Variants in CAMTA1 observed in about 807,000 individuals in gnomAD.
The protein encoded by CAMTA1 is calmodulin binding transcription activator 1.
Under a neutral mutation model 170.9 loss-of-function variants are expected in CAMTA1, and 27 were observed. That is an observed-to-expected ratio of 0.16 (90% CI 0.12 to 0.22). The LOEUF is 0.22. Ranked by LOEUF, CAMTA1 falls within the 10% of genes least tolerant of loss-of-function variation. CAMTA1 has a pLI of 1.00. For missense variants in CAMTA1, 1,619 were observed against 2,217.2 expected (o/e 0.73, Z 5.42); for synonymous variants, 833 against 891.5 (o/e 0.93, Z 1.17).
chr1:7,555,832 G>GC (rs2094869004), intron 6 of CAMTA1, among the ~76,000 whole-genome samples: 1 of 152,124 alleles, frequency 6.6e-6, no homozygotes, highest in Non-Finnish European at 1.5e-5. Flanking sequence ...TCTCCTAAAT[G>GC]CCCCAAACCC....
Position 6,887,088 on chromosome 1 carries a change from G to A in CAMTA1, c.234+61878G>A, listed in dbSNP as rs1367804063. On this transcript the variant is annotated intron_variant, in intron 3 of 22. Transcript: ENST00000303635. This position sits in a 1 kb window ranked among gnomAD's most constrained non-coding sequence, Gnocchi z 4.1. ...AGAGAGTCTCTAGCAGGGAGCCTCT[G>A]CAAGCATTGTGTTCTGTTGTATCAA... is the stretch of plus-strand genomic sequence containing the variant. 2.0e-5 allele frequency among the ~76,000 whole-genome samples: 3 copies of A among 152,208 alleles called. No individual in the cohort carries two copies. The highest frequency in any genetic ancestry group is 2.9e-5 in the Non-Finnish European group (2 of 68,036).
At position 7,635,752 on chromosome 1, in the gene CAMTA1, T is replaced by A. The variant is rs938953607; in HGVS notation, c.511-4648T>A. ...CCCATCTCGCCACCAGCAAAGCAGC[T>A]CAGCAAGGACTCTGACACCGTTATG... On this transcript the variant is annotated intron_variant, in intron 6 of 22. Transcript: ENST00000303635. The surrounding 1 kb of genome is among the most constrained non-coding windows in gnomAD (Gnocchi z 4.4). Among the ~76,000 whole-genome samples, 19 of 152,160 alleles carry A rather than the reference T, an allele frequency of 1.2e-4. No individual in the cohort carries two copies. The highest frequency in any genetic ancestry group is 4.3e-4 in the African/African-American group (18 of 41,522).
In CAMTA1 at chr1:7,732,226, G is replaced by T. The variant is rs2096739047; in HGVS notation, c.2915-222G>T. Among the ~76,000 whole-genome samples the T allele has an allele frequency of 6.6e-6, 1 of 152,132 alleles. No individual in the cohort carries two copies. The highest frequency in any genetic ancestry group is 6.5e-5 in the Admixed American group (1 of 15,272). The stretch of plus-strand genomic sequence containing the variant: ...ATCTTTGACAAAAAGAGAATTTCTG[G>T]TCTTTTATCCGAGAACTTCGGGCTG... On this transcript the variant is annotated intron_variant, in intron 11 of 22. Transcript: ENST00000303635. This position sits in a 1 kb window ranked among gnomAD's most constrained non-coding sequence, Gnocchi z 4.1.
chr1:7,610,952 A>G (rs1054589114), intron 6 of CAMTA1, among the ~76,000 whole-genome samples: 1 of 152,212 alleles, frequency 6.6e-6, no homozygotes. Context: ...GCCCCCAGGC[A>G]GAGGGGAAGC....
rs959743782 is a variant in CAMTA1 at position 7,234,603 on chromosome 1, G to A, written c.303-14888G>A. ...GAACGTCAGCGTAGAGTTTCAAGCC[G>A]AGGCCCTGGGAGCCCTGGGAAGGTG... On this transcript the variant is annotated intron_variant, in intron 4 of 22. Coordinates refer to ENST00000303635, the MANE Select transcript of CAMTA1 (RefSeq NM_015215.4). This position sits in a 1 kb window ranked among gnomAD's most constrained non-coding sequence, Gnocchi z 5.0. 3.9e-5 allele frequency among the ~76,000 whole-genome samples: 6 copies of A among 152,134 alleles called. No individual in the cohort carries two copies. The highest frequency in any genetic ancestry group is 4.1e-4 in the South Asian group (2 of 4,828).
chr1:7,351,948 A>G (rs1194419813), intron 5 of CAMTA1, among the ~76,000 whole-genome samples: 3 of 152,262 alleles, frequency 2.0e-5, no homozygotes, highest in African/African-American at 7.2e-5. Flanking sequence ...AAAAGAGAAC[A>G]AAGTGATATG....
In CAMTA1 at chr1:7,069,268, T is replaced by G. The variant is rs528274279; in HGVS notation, c.235-22036T>G. ...AAGGTGGTTGTTGCTTCGTCTCACC[T>G]AGCCCTCCCAGAGACCCTCCAAGGA... On this transcript the variant is annotated intron_variant, in intron 3 of 22. Coordinates refer to ENST00000303635, the MANE Select transcript of CAMTA1 (RefSeq NM_015215.4). Among the ~76,000 whole-genome samples, 474 of 152,332 alleles carry G rather than the reference T, an allele frequency of 3.1e-3. 2 individuals are homozygous for G. Among genetic ancestry groups the G allele is most frequent in the African/African-American group, 0.011 (457 of 41,560 alleles).
rs1055209996 is a variant in CAMTA1 at position 7,685,969 on chromosome 1, T to C, written c.2914+8236T>C. Among the ~76,000 whole-genome samples the C allele has an allele frequency of 6.6e-6, 1 of 152,162 alleles. No individual in the cohort carries two copies. The highest frequency in any genetic ancestry group is 2.4e-5 in the African/African-American group (1 of 41,428). ...GACATCCCAATACTAGCCTAGCATG[T>C]TTCTTTCCTTTATTTCTCTCACATT... On this transcript the variant is annotated intron_variant, in intron 11 of 22. Transcript: ENST00000303635. The surrounding 1 kb of genome is among the most constrained non-coding windows in gnomAD (Gnocchi z 5.7).
At chr1:7,167,250 C>T (rs1648669939) in intron 4 of CAMTA1, among the ~76,000 whole-genome samples, 1 of 152,184 alleles carries the variant, frequency 6.6e-6, no homozygotes, top group African/African-American at 2.4e-5. Context: ...TTTAATCTAT[C>T]TAAAATTCAT....
intron 4 of CAMTA1, among the ~76,000 whole-genome samples, chr1:7,196,538 C>G (rs534443986): frequency 6.6e-6 from 1 of 152,292 alleles, no homozygotes; most frequent in South Asian, 2.1e-4. Flanking sequence ...TCTAAACGGG[C>G]TTCAGTGCAC....
At chr1:7,589,523 G>A (rs1226261322) in intron 6 of CAMTA1, among the ~76,000 whole-genome samples, 2 of 152,188 alleles carry the variant, frequency 1.3e-5, no homozygotes, top group African/African-American at 4.8e-5. Flanking sequence ...ACGGCTTGAC[G>A]CATGGTGTCC....
At position 6,974,784 on chromosome 1, in the gene CAMTA1, C is replaced by T. The variant is rs764985861; in HGVS notation, c.235-116520C>T. On this transcript the variant is annotated intron_variant, in intron 3 of 22. Transcript: ENST00000303635. ...TGCATTTTGCAGGTTCCTTTGATCA[C>T]GGCCCAGGTGGGGCCACATCCCCTT... Among the ~76,000 whole-genome samples the T allele has an allele frequency of 9.8e-5, 15 of 152,358 alleles. No homozygotes were observed. In the East Asian group the frequency reaches 1.7e-3, roughly 18 times the overall value.
At chr1:7,019,698 C>A (rs1186486848) in intron 3 of CAMTA1, among the ~76,000 whole-genome samples, 1 of 152,226 alleles carries the variant, frequency 6.6e-6, no homozygotes, top group Admixed American at 6.5e-5. Flanking sequence ...TAAAAATGTT[C>A]ATCGAGATGG....
chr1:7,040,560 A>C (rs912036963), intron 3 of CAMTA1, among the ~76,000 whole-genome samples: 4 of 152,034 alleles, frequency 2.6e-5, no homozygotes, highest in African/African-American at 9.7e-5. Flanking sequence ...TTCCCAAATG[A>C]GCTCTTGGCA....
intron 22 of CAMTA1, among the ~76,000 whole-genome samples, chr1:7,760,011 C>G (rs1313463576): frequency 6.6e-6 from 1 of 152,188 alleles, no homozygotes; most frequent in Non-Finnish European, 1.5e-5. Flanking sequence ...GCTTTATAAA[C>G]TGTAACAATC....
chr1:6,819,491 A>G (rs1646246559), intron 1 of CAMTA1, among the ~76,000 whole-genome samples: 1 of 152,106 alleles, frequency 6.6e-6, no homozygotes, highest in South Asian at 2.1e-4. Context: ...TGTTGGGTTT[A>G]TTGTTGGGAA....
chr1:7,660,349 G>A (rs2095944425), intron 7 of CAMTA1, among the ~76,000 whole-genome samples: 3 of 152,318 alleles, frequency 2.0e-5, no homozygotes, highest in African/African-American at 4.8e-5. Flanking sequence ...TTATAGGTGT[G>A]AGCCACTGCG....
intron 7 of CAMTA1, among the ~76,000 whole-genome samples, chr1:7,645,838 G>A (rs1558048872): frequency 6.6e-6 from 1 of 152,254 alleles, no homozygotes; most frequent in African/African-American, 2.4e-5. Context: ...GCACCTCCAT[G>A]CTTCTGCACG....
intron 3 of CAMTA1, among the ~76,000 whole-genome samples, chr1:6,830,283 A>T (rs1466239066): frequency 1.3e-5 from 2 of 149,240 alleles, no homozygotes; most frequent in African/African-American, 4.9e-5. Flanking sequence ...TGACCTCGTG[A>T]TCCGCCCGCC....
Sources: gnomAD v4.1 joint callset for allele counts (sites outside exome capture counted in the v4.1 genomes callset) on GRCh38, gnomAD v4.1.1 for gene constraint, Gnocchi (gnomAD v3.1) non-coding constraint, MANE v1.5 for transcripts, NCBI Gene and HGNC (gene_info 2026-07-23, HGNC 2026-07-21) for gene names.